Variants in SERGEF observed in about 807,000 individuals in gnomAD.
The protein encoded by SERGEF is secretion-regulating guanine nucleotide exchange factor.
SERGEF carries 51 observed loss-of-function variants against 50.0 expected under a neutral mutation model. The ratio of observed to expected loss-of-function variants is 1.02; its 90% confidence interval spans 0.81 to 1.29. The LOEUF is 1.29. Ranked by LOEUF, SERGEF falls within the 50% of genes most tolerant of loss-of-function variation. The pLI is 0.00. For missense variants in SERGEF, 521 were observed against 557.0 expected (o/e 0.94, Z 0.65); for synonymous variants, 205 against 212.4 (o/e 0.97, Z 0.30).
intron 8 of SERGEF, among the ~76,000 whole-genome samples, chr11:17,971,054 T>C (rs1853238957): frequency 6.6e-6 from 1 of 151,670 alleles, no homozygotes; most frequent in African/African-American, 2.4e-5. Context: ...CTTAGCCAGG[T>C]GTGGTGGTGC....
chr11:17,848,123 T>C (rs1363600104), intron 10 of SERGEF, among the ~76,000 whole-genome samples: 1 of 152,192 alleles, frequency 6.6e-6, no homozygotes, highest in Admixed American at 6.5e-5. Flanking sequence ...TAGGGATTTG[T>C]TGATAACACA....
At chr11:17,824,891 C>G (rs1850162257) in intron 10 of SERGEF, among the ~76,000 whole-genome samples, 1 of 152,194 alleles carries the variant, frequency 6.6e-6, no homozygotes, top group Non-Finnish European at 1.5e-5. Context: ...AGAAACAATT[C>G]AGTCCATAAC....
In SERGEF at chr11:18,012,971, C is replaced by T; in HGVS notation, c.40G>A (p.Ala14Thr). ...CGTACCCAGGCGAAGAGCGCGGCCG[C>T]CGCGGGGGCGGCCTCCGAGGCGCTG... ...EPSASEAAPAAAALFAWGANS... is the reference protein window; with the variant it reads ...EPSASEAAPATAALFAWGANS... The change falls in exon 1 of 11, where the codon GCG becomes ACG. Residue 14 changes from alanine to threonine, a missense_variant. Ala to Thr is a moderately conservative substitution (Grantham distance 58). Coordinates refer to ENST00000265965, the MANE Select transcript of SERGEF (RefSeq NM_012139.4). 6.8e-7 allele frequency: 1 copy of T among 1,474,182 alleles called. No individual in the cohort carries two copies. The allele number at this position is 1,474,182 out of a possible 1,614,324, so 91.3% of individuals were successfully genotyped here.
chr11:17,912,494 T>C lies in SERGEF; in HGVS notation c.1012-34250A>G, dbSNP rs185969784. ...GCTGGGTGAAGCGTATATAGGATCA[T>C]CTGTATCAATTTCCCTCTGAATCTA... On this transcript the variant is annotated intron_variant, in intron 9 of 10. Coordinates refer to ENST00000265965, the MANE Select transcript of SERGEF (RefSeq NM_012139.4). Among the ~76,000 whole-genome samples the C allele has an allele frequency of 1.5e-3, 228 of 152,344 alleles. 5 individuals carry two copies. Among genetic ancestry groups the C allele is most frequent in the Admixed American group, 0.014 (212 of 15,306 alleles).
intron 8 of SERGEF, among the ~76,000 whole-genome samples, chr11:17,981,341 G>A (rs538147699): frequency 6.6e-6 from 1 of 152,208 alleles, no homozygotes; most frequent in Non-Finnish European, 1.5e-5. Context: ...TTGCCGAAAT[G>A]TAGTATCACT....
chr11:17,844,898 TA>T (rs201938217), intron 10 of SERGEF, among the ~76,000 whole-genome samples: 9 of 135,788 alleles, frequency 6.6e-5, no homozygotes, highest in Admixed American at 3.1e-4. Context: ...CTAATGAGCT[TA>T]AAAAAAAACA....
At chr11:17,951,568 G>A (rs1259798668) in intron 9 of SERGEF, among the ~76,000 whole-genome samples, 1 of 152,106 alleles carries the variant, frequency 6.6e-6, no homozygotes, top group Non-Finnish European at 1.5e-5. Flanking sequence ...TTCCTGATAT[G>A]ACACTGAGGC....
intron 9 of SERGEF, among the ~76,000 whole-genome samples, chr11:17,879,068 G>C (rs1049814900): frequency 6.6e-6 from 1 of 152,190 alleles, no homozygotes; most frequent in Admixed American, 6.5e-5. Flanking sequence ...GTATTGCACA[G>C]ATGGATTGGA....
intron 9 of SERGEF, among the ~76,000 whole-genome samples, chr11:17,902,839 A>C (rs1851771677): frequency 2.0e-5 from 3 of 152,196 alleles, no homozygotes; most frequent in Admixed American, 1.3e-4. Context: ...ACAAGGGACA[A>C]GGGATATCTG....
chr11:17,815,751 G>C (rs773424163), intron 10 of SERGEF, among the ~76,000 whole-genome samples: 1 of 147,742 alleles, frequency 6.8e-6, no homozygotes, highest in Non-Finnish European at 1.5e-5. Context: ...GTGAAACCTC[G>C]TCCCTACTAA....
chr11:17,918,389 G>C (rs1157708912), intron 9 of SERGEF, among the ~76,000 whole-genome samples: 3 of 152,178 alleles, frequency 2.0e-5, no homozygotes, highest in African/African-American at 7.2e-5. Context: ...GCTCCCTGCA[G>C]GGTCAATACA....
chr11:18,010,007 GA>G (rs1257007580), intron 1 of SERGEF: 1 of 636,988 alleles, frequency 1.6e-6, no homozygotes, highest in Admixed American at 3.2e-5. Context: ...GAAGACAAGG[GA>G]TTGTGGACCT....
chr11:17,976,705 G>C (rs572873973), intron 8 of SERGEF, among the ~76,000 whole-genome samples: 16 of 152,240 alleles, frequency 1.1e-4, no homozygotes, highest in African/African-American at 3.9e-4. Flanking sequence ...AAAATTACAG[G>C]CCAGTAACTA....
intron 8 of SERGEF, among the ~76,000 whole-genome samples, chr11:17,985,914 T>G (rs211120): frequency 0.95 from 144,038 of 152,250 alleles, 68,663 homozygotes; most frequent in South Asian, 1. Flanking sequence ...TATAGGAGAC[T>G]GCCCTTGCAT....
intron 9 of SERGEF, among the ~76,000 whole-genome samples, chr11:17,941,250 A>C (rs774897403): frequency 1.3e-5 from 2 of 152,204 alleles, no homozygotes; most frequent in Admixed American, 6.5e-5. Context: ...TTACCATCTT[A>C]ACCATTTTTA....
chr11:18,012,676 C>T (rs1854221002), intron 1 of SERGEF: 1 of 1,179,622 alleles, frequency 8.5e-7, no homozygotes, highest in African/African-American at 1.6e-5. Flanking sequence ...GAACCAGACG[C>T]TCTGCCCCGA....
intron 10 of SERGEF, among the ~76,000 whole-genome samples, chr11:17,871,630 C>T (rs187648641): frequency 3.3e-5 from 5 of 152,154 alleles, no homozygotes; most frequent in South Asian, 4.2e-4. Context: ...TTAAAGTCTT[C>T]GGACTTAAGT....
intron 10 of SERGEF, among the ~76,000 whole-genome samples, chr11:17,843,845 G>A (rs1255860072): frequency 6.6e-6 from 1 of 152,196 alleles, no homozygotes; most frequent in Non-Finnish European, 1.5e-5. Context: ...ATGGGAAACT[G>A]AGCAAGAGAG....
At chr11:17,877,928 G>T in intron 10 of SERGEF, 1 of 315,052 alleles carries the variant, frequency 3.2e-6, no homozygotes, top group Non-Finnish European at 5.8e-6. Flanking sequence ...TACACATGGT[G>T]CCCCTCAGCC....
Sources: allele counts gnomAD v4.1 joint callset (sites outside exome capture counted in the v4.1 genomes callset), GRCh38; gene constraint gnomAD v4.1.1; transcripts MANE v1.5; gene names NCBI Gene and HGNC (gene_info 2026-07-23, HGNC 2026-07-21).